CERS6: variants seen among roughly 807,000 people sequenced by gnomAD.
CERS6 encodes LAG1 homolog, ceramide synthase 6.
In CERS6, 26 loss-of-function variants were observed where a neutral mutation model predicts 56.8. That is an observed-to-expected ratio of 0.46 (90% CI 0.34 to 0.63). The LOEUF is 0.63. Ranked by LOEUF, CERS6 falls within the 30% of genes least tolerant of loss-of-function variation. The pLI is 0.01. For synonymous variants in CERS6, 164 were observed against 173.3 expected (o/e 0.95, Z 0.42); for missense variants, 415 against 467.5 (o/e 0.89, Z 1.04).
At chr2:168,691,855 C>G (rs973807617) in intron 5 of CERS6, among the ~76,000 whole-genome samples, 3 of 152,150 alleles carry the variant, frequency 2.0e-5, no homozygotes, top group Admixed American at 2.0e-4. Flanking sequence ...TTTGTGACAA[C>G]ATGAGGAGAC....
chr2:168,470,699 A>G (rs1693960326), intron 1 of CERS6, among the ~76,000 whole-genome samples: 1 of 151,442 alleles, frequency 6.6e-6, no homozygotes, highest in South Asian at 2.1e-4. Flanking sequence ...CAAAGGGACT[A>G]GGGAGAGAAC....
At chr2:168,704,887 C>G (rs1686899931) in intron 6 of CERS6, among the ~76,000 whole-genome samples, 1 of 152,144 alleles carries the variant, frequency 6.6e-6, no homozygotes, top group Admixed American at 6.5e-5. Flanking sequence ...CGTGAGCCTC[C>G]GCACCCGGCC....
chr2:168,563,086 G>GTATT lies in CERS6; in HGVS notation c.407+1766_407+1769dup. Among the ~76,000 whole-genome samples, 12 of 152,236 alleles carry GTATT rather than the reference G, an allele frequency of 7.9e-5. 2 individuals are homozygous for GTATT. The South Asian group carries it at 2.5e-3, about 32-fold the overall frequency. On this transcript the variant is annotated intron_variant, in intron 3 of 9. Transcript: ENST00000305747. The stretch of plus-strand genomic sequence containing the variant: ...ACTCCAGTTTCTCTCAAATACTATT[G>GTATT]TATTTGAGATTTTAAGATAAGCATC...
At chr2:168,754,297 C>A (rs928663041) in intron 8 of CERS6, among the ~76,000 whole-genome samples, 3 of 152,186 alleles carry the variant, frequency 2.0e-5, no homozygotes, top group Non-Finnish European at 4.4e-5. Flanking sequence ...GCCTGGATTT[C>A]TTTGAGGGTC....
chr2:168,643,850 G>C (rs1685105491), intron 4 of CERS6, among the ~76,000 whole-genome samples: 1 of 152,108 alleles, frequency 6.6e-6, no homozygotes, highest in Non-Finnish European at 1.5e-5. Flanking sequence ...TCGAGGTCCA[G>C]AATCACATCT....
intron 4 of CERS6, among the ~76,000 whole-genome samples, chr2:168,658,975 G>A (rs1685561259): frequency 6.6e-6 from 1 of 152,218 alleles, no homozygotes; most frequent in African/African-American, 2.4e-5. Context: ...ACTGGATATC[G>A]TGAGAATATC....
At chr2:168,587,657 A>G (rs1019941733) in intron 3 of CERS6, among the ~76,000 whole-genome samples, 22 of 151,646 alleles carry the variant, frequency 1.5e-4, no homozygotes, top group Admixed American at 3.9e-4. Context: ...GTAGTTTGAG[A>G]AAAAAAATGC....
intron 8 of CERS6, among the ~76,000 whole-genome samples, chr2:168,759,339 C>T (rs1298076708): frequency 6.6e-6 from 1 of 152,150 alleles, no homozygotes; most frequent in Non-Finnish European, 1.5e-5. Context: ...TACTGGGACT[C>T]ACCCTTGGCA....
At chr2:168,568,405 TAA>T (rs967802396) in intron 3 of CERS6, among the ~76,000 whole-genome samples, 2 of 152,232 alleles carry the variant, frequency 1.3e-5, no homozygotes, top group African/African-American at 4.8e-5. Context: ...TAATGTATTT[TAA>T]AAGTTATTTG....
chr2:168,524,816 A>G (rs1695042547), intron 1 of CERS6, among the ~76,000 whole-genome samples: 1 of 151,650 alleles, frequency 6.6e-6, no homozygotes, highest in Non-Finnish European at 1.5e-5. Flanking sequence ...TGACTATGCC[A>G]TTATAATAGC....
chr2:168,506,067 A>G (rs1694671786), intron 1 of CERS6, among the ~76,000 whole-genome samples: 1 of 152,074 alleles, frequency 6.6e-6, no homozygotes, highest in East Asian at 1.9e-4. Flanking sequence ...CTCCTTTTCT[A>G]TTCTTTTTGA....
chr2:168,571,600 A>T lies in CERS6; in HGVS notation c.407+10278A>T, dbSNP rs144871607. ...TAGGCCTTCCCACATCCAAATTCAT[A>T]ATAAGCCCTCCACATGATAGGAAAC... On this transcript the variant is annotated intron_variant, in intron 3 of 9. Transcript: ENST00000305747. Among the ~76,000 whole-genome samples the T allele has an allele frequency of 3.9e-5, 6 of 152,260 alleles. No homozygotes were observed. In the East Asian group the frequency reaches 5.8e-4, roughly 15 times the overall value.
At chr2:168,653,016 C>G (rs1447389422) in intron 4 of CERS6, among the ~76,000 whole-genome samples, 1 of 152,142 alleles carries the variant, frequency 6.6e-6, no homozygotes, top group Non-Finnish European at 1.5e-5. Context: ...TATTCAGGTA[C>G]ATGAAGTGAA....
intron 8 of CERS6, among the ~76,000 whole-genome samples, chr2:168,734,872 T>A (rs1023216305): frequency 2.0e-5 from 3 of 152,220 alleles, no homozygotes; most frequent in African/African-American, 7.2e-5. Flanking sequence ...GTCAAGCTGC[T>A]ATTTTCACAG....
intron 1 of CERS6, among the ~76,000 whole-genome samples, chr2:168,546,259 ATT>A (rs1471552225): frequency 6.6e-6 from 1 of 152,176 alleles, no homozygotes; most frequent in Non-Finnish European, 1.5e-5. Context: ...AGCTCAGAAA[ATT>A]TTACATTAAA....
chr2:168,656,743 G>T (rs568052490), intron 4 of CERS6, among the ~76,000 whole-genome samples: 1 of 152,056 alleles, frequency 6.6e-6, no homozygotes, highest in Non-Finnish European at 1.5e-5. Flanking sequence ...AAGGGGACCC[G>T]AGCGGGTTGC....
intron 8 of CERS6, among the ~76,000 whole-genome samples, chr2:168,752,975 A>G (rs756083590): frequency 1.9e-4 from 29 of 152,230 alleles, no homozygotes; most frequent in Non-Finnish European, 4.0e-4. Context: ...ATCTATACAA[A>G]TGGGGTATTT....
chr2:168,649,361 C>T (rs1246060037), intron 4 of CERS6, among the ~76,000 whole-genome samples: 1 of 152,142 alleles, frequency 6.6e-6, no homozygotes, highest in Non-Finnish European at 1.5e-5. Context: ...ATGGCCTCTC[C>T]TGGTAAAAAT....
intron 8 of CERS6, among the ~76,000 whole-genome samples, chr2:168,742,133 ATGT>A (rs985741795): frequency 6.6e-6 from 1 of 152,196 alleles, no homozygotes; most frequent in Non-Finnish European, 1.5e-5. Context: ...TCTGCATGTT[ATGT>A]TGTTCACTTT....
Sources: gnomAD v4.1 joint callset for allele counts (sites outside exome capture counted in the v4.1 genomes callset) on GRCh38, gnomAD v4.1.1 for gene constraint, MANE v1.5 for transcripts, NCBI Gene and HGNC (gene_info 2026-07-23, HGNC 2026-07-21) for gene names.